CNOT1: variants seen among roughly 807,000 people sequenced by gnomAD.
CNOT1 encodes the protein CCR4-NOT transcription complex subunit 1.
In CNOT1, 15 loss-of-function variants were observed where a neutral mutation model predicts 273.8. The ratio of observed to expected loss-of-function variants is 0.05; its 90% CI spans 0.04 to 0.08. The LOEUF is 0.08. CNOT1 is among the 10% of genes least tolerant of loss of function. CNOT1 has a pLI of 1.00. For missense variants in CNOT1, 1,644 were observed against 2,912.2 expected (o/e 0.56, Z 10.02); for synonymous variants, 1,022 against 1,005.5 (o/e 1.02, Z -0.31).
Position 58,582,773 on chromosome 16 carries a change from T to G in CNOT1, c.1044+20A>C. On this transcript the variant is annotated intron_variant, in intron 10 of 48. Coordinates refer to ENST00000317147, the MANE Select transcript of CNOT1 (RefSeq NM_016284.5). ...TCATTCAAATACCACAAATCAAAAA[T>G]CATCATCACATATACTCACCAGTTC... 2 of 1,265,778 alleles carry G rather than the reference T, an allele frequency of 1.6e-6. No homozygotes were observed. Among genetic ancestry groups the G allele is most frequent in the Non-Finnish European group, 2.3e-6 (2 of 864,038 alleles). The allele number at this position is 1,265,778 out of a possible 1,614,324, so 78.4% of individuals were successfully genotyped here.
At position 58,588,908 on chromosome 16, in the gene CNOT1, TA is replaced by T; in HGVS notation, c.103-3del. The T allele has an allele frequency of 1.2e-6, 2 of 1,605,442 alleles. No homozygotes were observed. Among genetic ancestry groups the T allele is most frequent in the Non-Finnish European group, 1.7e-6 (2 of 1,176,704 alleles). On this transcript the variant is annotated splice_polypyrimidine_tract_variant and splice_region_variant and intron_variant, in intron 2 of 48. Transcript: ENST00000317147. Reference sequence around the variant, plus strand: ...CTCAGGACCGTGCCGATTCACAATCTAAAATGACCAAAAATAACATGTTTAA... The same window carrying T: ...CTCAGGACCGTGCCGATTCACAATCTAAATGACCAAAAATAACATGTTTAA...
intron 1 of CNOT1, among the ~76,000 whole-genome samples, chr16:58,627,025 A>G (rs2043612718): frequency 6.6e-6 from 1 of 152,108 alleles, no homozygotes; most frequent in Non-Finnish European, 1.5e-5. Context: ...TATTGTGGAC[A>G]AATTCCATTC....
intron 44 of CNOT1, 70 bp from the exon 45 acceptor site, chr16:58,526,208 T>C: frequency 6.4e-7 from 1 of 1,550,414 alleles, no homozygotes; most frequent in Non-Finnish European, 8.9e-7. Flanking sequence ...TATGCTTAAG[T>C]GGTGGGACTG....
chr16:58,629,213 C>T (rs1009026659), intron 1 of CNOT1, among the ~76,000 whole-genome samples: 1 of 152,244 alleles, frequency 6.6e-6, no homozygotes, highest in Non-Finnish European at 1.5e-5. Flanking sequence ...AGAGTGGCAG[C>T]TCCGAGTACA....
intron 29 of CNOT1, among the ~76,000 whole-genome samples, chr16:58,545,888 C>T (rs563933359): frequency 1.3e-5 from 2 of 152,348 alleles, no homozygotes; most frequent in South Asian, 4.1e-4. Flanking sequence ...CTAACCACAA[C>T]TCCCAATCAT....
chr16:58,522,733 A>G (rs949091590), intron 47 of CNOT1, among the ~76,000 whole-genome samples: 18 of 152,240 alleles, frequency 1.2e-4, no homozygotes, highest in Non-Finnish European at 8.8e-5. Flanking sequence ...ATAGGCCTGC[A>G]TGATTTAGGA....
chr16:58,528,387 G>C (rs1287725313), intron 44 of CNOT1, 88 bp downstream of exon 44: 1 of 885,890 alleles, frequency 1.1e-6, no homozygotes, highest in Non-Finnish European at 1.9e-6. Context: ...GTGTTATGTT[G>C]GGTAGGAAAG....
intron 39 of CNOT1, among the ~76,000 whole-genome samples, chr16:58,536,125 A>C (rs1203465749): frequency 6.6e-6 from 1 of 152,216 alleles, no homozygotes; most frequent in Non-Finnish European, 1.5e-5. Flanking sequence ...CCTAATTTGT[A>C]ATCTTTCTTT....
At chr16:58,607,229 T>C (rs2152025884) in intron 1 of CNOT1, among the ~76,000 whole-genome samples, 1 of 152,294 alleles carries the variant, frequency 6.6e-6, no homozygotes, top group Admixed American at 6.5e-5. Context: ...ATATGGATAG[T>C]ATTATTTACC....
At chr16:58,594,890 G>T (rs766518821) in intron 2 of CNOT1, among the ~76,000 whole-genome samples, 7 of 151,870 alleles carry the variant, frequency 4.6e-5, no homozygotes, top group Non-Finnish European at 8.8e-5. Context: ...GCTGAGGCAG[G>T]TGGATCATGA....
At chr16:58,602,041 G>A (rs2042484695) in intron 1 of CNOT1, among the ~76,000 whole-genome samples, 1 of 151,802 alleles carries the variant, frequency 6.6e-6, no homozygotes, top group Non-Finnish European at 1.5e-5. Flanking sequence ...CACTTTCTTA[G>A]TAATCTACTT....
intron 1 of CNOT1, among the ~76,000 whole-genome samples, chr16:58,612,050 CA>C (rs11364517): frequency 0.75 from 114,095 of 151,698 alleles, 43,353 homozygotes; most frequent in Middle Eastern, 0.86. Flanking sequence ...CGGCCAACCT[CA>C]AAACACTCCT....
In CNOT1 at chr16:58,542,314, C is replaced by A; in HGVS notation, c.4597G>T (p.Ala1533Ser). The part of the protein sequence containing the change: ...LATEFELRKH[A>S]RQEGRRYCDP... ...CAGTATCTGCGTCCTTCTTGCCTAGCATGTTTTCTCAGCTCAAATTCCTGC... is the reference window on the plus strand; with the variant it reads ...CAGTATCTGCGTCCTTCTTGCCTAGAATGTTTTCTCAGCTCAAATTCCTGC... The change falls in exon 33 of 49, where the codon GCT (alanine) becomes TCT (serine). Residue 1533 changes from alanine (A) to serine (S), a missense_variant. This residue lies in a region of CNOT1 where 133 missense variants were observed against 230.4 expected (regional missense o/e 0.58). Coordinates refer to ENST00000317147, the MANE Select transcript of CNOT1 (RefSeq NM_016284.5). 1 of 1,614,100 alleles carries A rather than the reference C, an allele frequency of 6.2e-7. No individual in the cohort carries two copies.
chr16:58,551,297 A>G (rs370061285), intron 23 of CNOT1, 25 bp from the exon 24 acceptor site: 9 of 1,548,920 alleles, frequency 5.8e-6, no homozygotes, highest in Non-Finnish European at 7.8e-6. Context: ...TAAAGTACAT[A>G]AGGCAAATAA....
intron 6 of CNOT1, 27 bp downstream of exon 6, chr16:58,587,174 G>T: frequency 6.2e-7 from 1 of 1,608,682 alleles, no homozygotes; most frequent in Non-Finnish European, 8.5e-7. Flanking sequence ...GTCTCACTTC[G>T]TGATATTTTT....
chr16:58,546,359 A>G lies in CNOT1; in HGVS notation c.3968T>C (p.Val1323Ala), dbSNP rs1429707475. ...DEQLSAPKKD[V>A]KQPEELPPIT... ...GGGAGGGAGTTCTTCTGGCTGCTTGACATCTTTCTTTGGAGCAGAGAGTTG... is the reference window on the plus strand; with the variant it reads ...GGGAGGGAGTTCTTCTGGCTGCTTGGCATCTTTCTTTGGAGCAGAGAGTTG... Residue 1323 changes from valine (V) to alanine (A), a missense_variant, in exon 29 of 49, where the codon GTC becomes GCC. Val to Ala is a moderately conservative substitution (Grantham distance 64). Coordinates refer to ENST00000317147, the MANE Select transcript of CNOT1 (RefSeq NM_016284.5). 2 of 1,613,944 alleles carry G rather than the reference A, an allele frequency of 1.2e-6. No homozygotes were observed. Among genetic ancestry groups the G allele is most frequent in the Non-Finnish European group, 1.7e-6 (2 of 1,179,920 alleles).
At chr16:58,623,773 G>C (rs2043446394) in intron 1 of CNOT1, among the ~76,000 whole-genome samples, 3 of 152,154 alleles carry the variant, frequency 2.0e-5, no homozygotes, top group Admixed American at 6.6e-5. Context: ...TCGATCGCTT[G>C]AAGTCAAGAA....
At chr16:58,535,240 T>C (rs1051055874) in intron 39 of CNOT1, among the ~76,000 whole-genome samples, 1 of 152,222 alleles carries the variant, frequency 6.6e-6, no homozygotes, top group African/African-American at 2.4e-5. Context: ...TAACTGTTCC[T>C]GATAAGCAGT....
intron 29 of CNOT1, 127 bp from the exon 30 acceptor site, chr16:58,545,618 G>C (rs2151920947): frequency 6.1e-4 from 706 of 1,158,818 alleles, no homozygotes; most frequent in Middle Eastern, 9.3e-4. Flanking sequence ...AGGGAAGGAT[G>C]TAGCAGGTCC....
Sources: gnomAD v4.1 joint callset for allele counts (sites outside exome capture counted in the v4.1 genomes callset) on GRCh38, gnomAD v4.1.1 for gene constraint, gnomAD v4.1.1 regional missense constraint, MANE v1.5 for transcripts, NCBI Gene and HGNC (gene_info 2026-07-23, HGNC 2026-07-21) for gene names.